The following FOXP1 variants were observed in gnomAD, a reference collection of about 807,000 sequenced individuals.
FOXP1 encodes forkhead box protein P1.
A neutral mutation model predicts 98.2 loss-of-function variants in FOXP1; 15 were observed. The observed-to-expected ratio is 0.15, with a 90% CI of 0.10 to 0.24. The LOEUF is 0.24. Ranked by LOEUF, FOXP1 falls within the 10% of genes least tolerant of loss-of-function variation. The probability of loss-of-function intolerance (pLI) is 1.00; values close to 1 mark genes in which losing one functional copy is unlikely to be tolerated. For missense variants in FOXP1, 633 were observed against 848.5 expected (o/e 0.75, Z 3.15); for synonymous variants, 371 against 314.5 (o/e 1.18, Z -1.90).
intron 6 of FOXP1, among the ~76,000 whole-genome samples, chr3:71,128,185 G>A (rs2059344458): frequency 6.6e-6 from 1 of 152,076 alleles, no homozygotes; most frequent in Admixed American, 6.5e-5. Context: ...GGAGAAGTAA[G>A]GAAGCCCCTA....
intron 5 of FOXP1, among the ~76,000 whole-genome samples, chr3:71,253,304 A>G (rs1261465100): frequency 6.6e-6 from 1 of 152,220 alleles, no homozygotes; most frequent in East Asian, 1.9e-4. Context: ...ACCATCCGGC[A>G]ACTTGGCTTC....
rs919293157 is a variant in FOXP1, at chr3:70,954,725, A to G, written c.*4522T>C. 2.2e-5 allele frequency: 5 copies of G among 225,666 alleles called. No homozygotes were observed. Among genetic ancestry groups the G allele is most frequent in the Admixed American group, 5.7e-5 (1 of 17,528 alleles). 14.0% of individuals were successfully genotyped at this position (225,666 alleles called of 1,614,324 possible). ...GTGGCAACTTTTACTACCAGCGTGAACAACCAGCATTTTTATTGCATTTGA... is the reference window on the plus strand; with the variant it reads ...GTGGCAACTTTTACTACCAGCGTGAGCAACCAGCATTTTTATTGCATTTGA... On this transcript the variant is annotated 3_prime_UTR_variant, in exon 21 of 21. Transcript: ENST00000649528.
At chr3:71,176,363 T>C (rs1233714539) in intron 6 of FOXP1, among the ~76,000 whole-genome samples, 1 of 152,150 alleles carries the variant, frequency 6.6e-6, no homozygotes, top group Non-Finnish European at 1.5e-5. Flanking sequence ...TGCAATTTAT[T>C]ATGTGCAGCC....
At chr3:71,568,313 C>G (rs1038252114) in intron 2 of FOXP1, among the ~76,000 whole-genome samples, 1 of 152,168 alleles carries the variant, frequency 6.6e-6, no homozygotes, top group Non-Finnish European at 1.5e-5. Context: ...TGAGTGCAAG[C>G]TGTACAGGAG....
intron 5 of FOXP1, among the ~76,000 whole-genome samples, chr3:71,263,895 C>A (rs190291325): frequency 2.0e-5 from 3 of 152,066 alleles, no homozygotes; most frequent in Admixed American, 1.3e-4. Context: ...CAGGCACATG[C>A]CACGACTCCC....
intron 17 of FOXP1, among the ~76,000 whole-genome samples, chr3:70,974,049 T>C (rs1284162326): frequency 2.6e-5 from 4 of 152,064 alleles, no homozygotes; most frequent in Admixed American, 2.6e-4. Context: ...TTTTAATGCA[T>C]GGTGTGATGA....
intron 3 of FOXP1, among the ~76,000 whole-genome samples, chr3:71,465,252 A>ACC: frequency 6.7e-6 from 1 of 149,690 alleles, no homozygotes; most frequent in East Asian, 2.0e-4. Flanking sequence ...GATTGTGGTG[A>ACC]GCCGAGATCA....
intron 20 of FOXP1, among the ~76,000 whole-genome samples, chr3:70,963,187 A>G (rs904012638): frequency 6.6e-6 from 1 of 152,246 alleles, no homozygotes; most frequent in Non-Finnish European, 1.5e-5. Flanking sequence ...CTCGACTCCC[A>G]GTGCCTCATG....
chr3:71,273,214 G>T (rs1400845910), intron 5 of FOXP1, among the ~76,000 whole-genome samples: 2 of 152,300 alleles, frequency 1.3e-5, no homozygotes, highest in East Asian at 3.9e-4. Context: ...GTGAATTCAA[G>T]TTCAATTTCC....
intron 3 of FOXP1, among the ~76,000 whole-genome samples, chr3:71,372,001 C>T (rs6772042): frequency 0.18 from 27,564 of 151,596 alleles, 3,107 homozygotes; most frequent in Non-Finnish European, 0.25. Flanking sequence ...ATCATTCTTT[C>T]GTCTTTTCTT....
Position 71,126,561 on chromosome 3 carries a change from C to T in FOXP1, c.181-13924G>A, listed in dbSNP as rs547743700. 1.3e-3 allele frequency among the ~76,000 whole-genome samples: 205 copies of T among 151,918 alleles called. 3 individuals are homozygous for T. Among genetic ancestry groups the T allele is most frequent in the Admixed American group, 1.5e-3 (23 of 15,254 alleles). On this transcript the variant is annotated intron_variant, in intron 6 of 20. Transcript: ENST00000649528. ...TTCTTGGGCCAAGCACTGTGGCTCA[C>T]GCCTGTAATCCCAGCACTTTGGGAG...
Position 71,181,364 on chromosome 3 carries a change from T to A in FOXP1, c.180+16838A>T, listed in dbSNP as rs2062279996. Among the ~76,000 whole-genome samples, 3 of 152,330 alleles carry A rather than the reference T, an allele frequency of 2.0e-5. No homozygotes were observed. The South Asian group carries it at 6.2e-4, about 32-fold the overall frequency. ...GCACGTTTTAAAGGGTTGGCTATTG[T>A]GCCAAGGTCAATAAATTATTTAGCA... On this transcript the variant is annotated intron_variant, in intron 6 of 20. Coordinates refer to ENST00000649528, the MANE Select transcript of FOXP1 (RefSeq NM_001349338.3).
At chr3:71,281,250 A>G (rs988506812) in intron 5 of FOXP1, among the ~76,000 whole-genome samples, 1 of 152,012 alleles carries the variant, frequency 6.6e-6, no homozygotes, top group Non-Finnish European at 1.5e-5. Context: ...TTAAAAAAAA[A>G]AAGAAAAAGA....
intron 2 of FOXP1, among the ~76,000 whole-genome samples, chr3:71,520,673 T>C (rs373360755): frequency 6.6e-6 from 1 of 152,222 alleles, no homozygotes. Flanking sequence ...AAGTCAGGCA[T>C]ACCCAAAATG....
At chr3:71,223,421 T>C (rs891089003) in intron 5 of FOXP1, among the ~76,000 whole-genome samples, 9 of 151,994 alleles carry the variant, frequency 5.9e-5, no homozygotes, top group Middle Eastern at 3.2e-3. Context: ...TCTAGCCGGG[T>C]GCGGTGGCTC....
At chr3:71,198,987 C>T (rs955233716) in intron 5 of FOXP1, among the ~76,000 whole-genome samples, 1 of 151,910 alleles carries the variant, frequency 6.6e-6, no homozygotes, top group Non-Finnish European at 1.5e-5. Flanking sequence ...CTGCGCCGGG[C>T]CCAAGATTAA....
At chr3:71,001,325 G>T (rs748498918) in intron 12 of FOXP1, among the ~76,000 whole-genome samples, 3 of 152,132 alleles carry the variant, frequency 2.0e-5, no homozygotes, top group Admixed American at 6.5e-5. Context: ...AAATAAGTAA[G>T]AAATTCAGCC....
At chr3:71,487,225 A>G (rs1239682588) in intron 3 of FOXP1, among the ~76,000 whole-genome samples, 5 of 152,190 alleles carry the variant, frequency 3.3e-5, no homozygotes, top group Non-Finnish European at 7.3e-5. Flanking sequence ...GAAGGGTAGA[A>G]AATAAACTAC....
chr3:71,354,544 G>A (rs1313597153), intron 4 of FOXP1, among the ~76,000 whole-genome samples: 1 of 152,182 alleles, frequency 6.6e-6, no homozygotes, highest in Non-Finnish European at 1.5e-5. Flanking sequence ...CAGTCAACGT[G>A]TCAACAACAA....
Sources: gnomAD v4.1 joint callset for allele counts (sites outside exome capture counted in the v4.1 genomes callset) on GRCh38, gnomAD v4.1.1 for gene constraint, MANE v1.5 for transcripts, NCBI Gene and HGNC (gene_info 2026-07-23, HGNC 2026-07-21) for gene names.